The following TOM1L2 variants were observed in gnomAD, a reference collection of about 807,000 sequenced individuals.
TOM1L2 encodes the protein TOM1-like protein 2.
Under a neutral mutation model 67.9 loss-of-function variants are expected in TOM1L2, and 31 were observed. That is an observed-to-expected ratio of 0.46 (90% confidence interval 0.34 to 0.62). TOM1L2 has a LOEUF of 0.62. Among genes scored for constraint, TOM1L2 ranks in the 20% least tolerant of loss-of-function variants. The pLI is 0.01. For missense variants in TOM1L2, 606 were observed against 663.5 expected, an observed-to-expected ratio of 0.91 and a Z score of 0.95; for synonymous variants, 256 against 254.0, an observed-to-expected ratio of 1.01 and a Z score of -0.07.
chr17:17,943,083 A>C lies in TOM1L2; in HGVS notation c.52+29179T>G, dbSNP rs536082713. 2.6e-5 allele frequency among the ~76,000 whole-genome samples: 4 copies of C among 152,346 alleles called. No homozygotes were observed. The South Asian group carries it at 8.3e-4, about 32-fold the overall frequency. On this transcript the variant is annotated intron_variant, in intron 1 of 14. Transcript: ENST00000379504. ...TGGCCAGATGCTTAGAAGCTGAGTC[A>C]TGGGTACACAGAGGTTCATTACACT... is the stretch of plus-strand genomic sequence containing the variant.
intron 2 of TOM1L2, among the ~76,000 whole-genome samples, chr17:17,903,723 G>C (rs2038962578): frequency 6.6e-6 from 1 of 151,934 alleles, no homozygotes; most frequent in Non-Finnish European, 1.5e-5. Context: ...CCGTCCCACA[G>C]ATCTGTAAGT....
chr17:17,934,623 AT>A (rs2040451157), intron 1 of TOM1L2, among the ~76,000 whole-genome samples: 2 of 152,242 alleles, frequency 1.3e-5, no homozygotes, highest in African/African-American at 4.8e-5. Flanking sequence ...TCTCCTAAAA[AT>A]ACATATTTAT....
At chr17:17,896,600 C>T (rs556065610) in intron 3 of TOM1L2, among the ~76,000 whole-genome samples, 7 of 152,176 alleles carry the variant, frequency 4.6e-5, no homozygotes, top group Admixed American at 3.9e-4. Flanking sequence ...TGGCAAGAGC[C>T]GCTTTAGGCC....
intron 1 of TOM1L2, among the ~76,000 whole-genome samples, chr17:17,921,260 A>C (rs78692119): frequency 0.05 from 7,569 of 152,118 alleles, 594 homozygotes; most frequent in African/African-American, 0.17. Context: ...CCACTCCCCA[A>C]ACAAAGGAAC....
At chr17:17,851,517 G>A (rs539085707) in intron 12 of TOM1L2, among the ~76,000 whole-genome samples, 1 of 152,302 alleles carries the variant, frequency 6.6e-6, no homozygotes, top group African/African-American at 2.4e-5. Flanking sequence ...TGAGTGGAGA[G>A]GGGAACTGGA....
In TOM1L2 at chr17:17,844,905, G is replaced by A. The variant is rs1453076818; in HGVS notation, c.*2730C>T. The A allele has an allele frequency of 1.3e-5, 2 of 152,454 alleles. No homozygotes were observed. Among genetic ancestry groups the A allele is most frequent in the African/African-American group, 4.8e-5 (2 of 41,468 alleles). The allele number at this position is 152,454 out of a possible 1,614,324, so 9.4% of individuals were successfully genotyped here. ...TAAGGAATCCCAGCAATAATTTAGT[G>A]TAATTAAGTATATACTGTATCTGTG... On this transcript the variant is annotated 3_prime_UTR_variant, in exon 15 of 15. Coordinates refer to ENST00000379504, the MANE Select transcript of TOM1L2 (RefSeq NM_001082968.2).
At chr17:17,961,881 A>AG (rs2145024425) in intron 1 of TOM1L2, among the ~76,000 whole-genome samples, 1 of 152,166 alleles carries the variant, frequency 6.6e-6, no homozygotes, top group East Asian at 1.9e-4. Context: ...CAAAAAAAAA[A>AG]AAAAAATGAA....
chr17:17,877,644 G>T (rs2037489503), intron 7 of TOM1L2, among the ~76,000 whole-genome samples: 1 of 152,172 alleles, frequency 6.6e-6, no homozygotes. Flanking sequence ...GTTCACGGCT[G>T]TCCACAGTGC....
intron 1 of TOM1L2, among the ~76,000 whole-genome samples, chr17:17,957,067 C>A (rs371180188): frequency 1.1e-4 from 17 of 152,270 alleles, no homozygotes; most frequent in African/African-American, 3.9e-4. Flanking sequence ...CAGTCTCCAC[C>A]TCCTGGGCTC....
intron 12 of TOM1L2, among the ~76,000 whole-genome samples, chr17:17,860,578 C>T (rs1005045288): frequency 6.6e-6 from 1 of 152,198 alleles, no homozygotes; most frequent in African/African-American, 2.4e-5. Flanking sequence ...GCAAACAGCC[C>T]TTTGCAAACC....
At chr17:17,869,841 T>C (rs754389023) in intron 7 of TOM1L2, 4 of 249,082 alleles carry the variant, frequency 1.6e-5, no homozygotes, top group African/African-American at 2.3e-5. Context: ...TTCCTTTCTG[T>C]GTGTTTCATA....
At chr17:17,867,041 G>A (rs11657074) in intron 8 of TOM1L2, 117 bp from the exon 9 acceptor site, 481,472 of 917,086 alleles carry the variant, frequency 0.53, 139,847 homozygotes, top group Non-Finnish European at 0.63. Context: ...GTCCCACCTG[G>A]GGGCTAGGGA....
intron 2 of TOM1L2, among the ~76,000 whole-genome samples, chr17:17,904,567 C>T (rs57770081): frequency 1.3e-5 from 2 of 152,044 alleles, no homozygotes; most frequent in Admixed American, 6.5e-5. Context: ...TAAGTGCCTG[C>T]GAAACCCCTG....
rs1001623383 is a variant in TOM1L2 at position 17,912,790 on chromosome 17, C to G, written c.53-5259G>C. Among the ~76,000 whole-genome samples, 202 of 151,942 alleles carry G rather than the reference C, an allele frequency of 1.3e-3. 1 individual carries two copies. Among genetic ancestry groups the G allele is most frequent in the Admixed American group, 4.1e-3 (62 of 15,270 alleles). On this transcript the variant is annotated intron_variant, in intron 1 of 14. Transcript: ENST00000379504. ...CTCACTTCCCAGACGGGGTGGCGGC[C>G]GGGCAGAGGCTGCAATCTCGGCACT... is the stretch of plus-strand genomic sequence containing the variant.
intron 7 of TOM1L2, 157 bp from the exon 8 acceptor site, chr17:17,869,630 C>T (rs1419198930): frequency 1.4e-6 from 2 of 1,401,698 alleles, no homozygotes; most frequent in African/African-American, 1.4e-5. Context: ...TAGAAGTTCC[C>T]TCTTCACTGC....
At chr17:17,956,552 C>T (rs1236901594) in intron 1 of TOM1L2, among the ~76,000 whole-genome samples, 3 of 152,194 alleles carry the variant, frequency 2.0e-5, no homozygotes, top group Admixed American at 6.5e-5. Flanking sequence ...CAGGGGTTTG[C>T]GCTCCTTGGG....
At chr17:17,878,593 C>T (rs898941549) in intron 7 of TOM1L2, among the ~76,000 whole-genome samples, 3 of 152,214 alleles carry the variant, frequency 2.0e-5, no homozygotes, top group Non-Finnish European at 4.4e-5. Context: ...AAGCATGTGC[C>T]AGCAGCAGGG....
chr17:17,870,308 C>G (rs2037084105), intron 7 of TOM1L2, among the ~76,000 whole-genome samples: 3 of 152,174 alleles, frequency 2.0e-5, no homozygotes, highest in Non-Finnish European at 4.4e-5. Context: ...CTTCCATGAG[C>G]CTTCCCTGTT....
At chr17:17,884,898 A>G in intron 4 of TOM1L2, 130 bp from the exon 5 acceptor site, 1 of 1,231,878 alleles carries the variant, frequency 8.1e-7, no homozygotes, top group South Asian at 1.4e-5. Context: ...GCACTGGCTA[A>G]ACCTATTCTG....
Sources: gnomAD v4.1 joint callset for allele counts (sites outside exome capture counted in the v4.1 genomes callset) on GRCh38, gnomAD v4.1.1 for gene constraint, MANE v1.5 for transcripts, NCBI Gene and HGNC (gene_info 2026-07-23, HGNC 2026-07-21) for gene names.